The following PCDH9 variants were observed in gnomAD, a reference collection of about 807,000 sequenced individuals.
PCDH9 encodes the protein protocadherin 9.
PCDH9 carries 24 observed loss-of-function variants against 70.6 expected under a neutral mutation model. The observed-to-expected ratio is 0.34, with a 90% CI of 0.25 to 0.48. PCDH9 has a LOEUF of 0.48. Ranked by LOEUF, PCDH9 falls within the 20% of genes least tolerant of loss-of-function variation. The pLI is 0.99. For synonymous variants in PCDH9, 562 were observed against 558.5 expected (o/e 1.01, Z -0.09); for missense variants, 1,281 against 1,503.6 (o/e 0.85, Z 2.45).
intron 3 of PCDH9, among the ~76,000 whole-genome samples, chr13:66,788,196 T>C (rs2080109147): frequency 6.6e-6 from 1 of 152,098 alleles, no homozygotes; most frequent in Non-Finnish European, 1.5e-5. Flanking sequence ...CATCCTCACA[T>C]GGTGGTAGGG....
At chr13:66,456,506 C>T (rs1364165003) in intron 4 of PCDH9, among the ~76,000 whole-genome samples, 1 of 152,072 alleles carries the variant, frequency 6.6e-6, no homozygotes, top group African/African-American at 2.4e-5. Context: ...AGCAATCTTC[C>T]CACCTCAACC....
At chr13:66,898,957 A>T (rs2092271210) in intron 3 of PCDH9, among the ~76,000 whole-genome samples, 1 of 151,992 alleles carries the variant, frequency 6.6e-6, no homozygotes, top group African/African-American at 2.4e-5. Flanking sequence ...GGGAAATTAG[A>T]CTTACCTTGA....
intron 2 of PCDH9, among the ~76,000 whole-genome samples, chr13:66,947,129 C>T (rs1213222382): frequency 6.6e-6 from 1 of 152,148 alleles, no homozygotes; most frequent in East Asian, 1.9e-4. Context: ...GTTGGCATGA[C>T]AGCAGGACAG....
chr13:66,697,328 A>G (rs1426829829), intron 3 of PCDH9, among the ~76,000 whole-genome samples: 1 of 151,986 alleles, frequency 6.6e-6, no homozygotes, highest in Admixed American at 6.6e-5. Flanking sequence ...TTCATTGTCC[A>G]CCTCTCATAT....
intron 3 of PCDH9, among the ~76,000 whole-genome samples, chr13:66,745,145 G>T (rs2079339744): frequency 6.6e-6 from 1 of 152,104 alleles, no homozygotes. Flanking sequence ...TTGATGAAGG[G>T]ATCTTTGGCA....
At chr13:66,566,079 G>A (rs914857138) in intron 4 of PCDH9, among the ~76,000 whole-genome samples, 1 of 152,184 alleles carries the variant, frequency 6.6e-6, no homozygotes, top group Admixed American at 6.5e-5. Flanking sequence ...GCCACAGGGT[G>A]AAGCTAGGCC....
At chr13:66,933,320 A>C (rs995747691) in intron 2 of PCDH9, among the ~76,000 whole-genome samples, 4 of 152,176 alleles carry the variant, frequency 2.6e-5, no homozygotes, top group Admixed American at 1.3e-4. Flanking sequence ...TTAAAGAATC[A>C]GTTTAGAGGA....
intron 4 of PCDH9, among the ~76,000 whole-genome samples, chr13:66,506,022 T>C (rs1027521490): frequency 1.3e-5 from 2 of 152,200 alleles, no homozygotes; most frequent in Admixed American, 6.5e-5. Flanking sequence ...TCTCATATAA[T>C]TCTTACATGT....
chr13:66,439,335 GT>G lies in PCDH9; in HGVS notation c.3341-134308del, dbSNP rs200275298. On this transcript the variant is annotated intron_variant, in intron 4 of 4. Transcript: ENST00000377865. The stretch of plus-strand genomic sequence containing the variant: ...ATAAAATACAGTTAACAAGACAATG[GT>G]TTTTTTTAGCTGATTAAAAAATAAA... 6.6e-4 allele frequency among the ~76,000 whole-genome samples: 100 copies of G among 151,884 alleles called. 1 individual carries two copies. The highest frequency in any genetic ancestry group is 1.8e-3 in the African/African-American group (76 of 41,428).
chr13:66,857,383 A>C (rs2081412003), intron 3 of PCDH9, among the ~76,000 whole-genome samples: 1 of 152,116 alleles, frequency 6.6e-6, no homozygotes, highest in Admixed American at 6.6e-5. Context: ...AGCAGTCAAG[A>C]ATTTTGTTTT....
chr13:66,370,443 C>T (rs990626058), intron 4 of PCDH9, among the ~76,000 whole-genome samples: 5 of 151,590 alleles, frequency 3.3e-5, no homozygotes, highest in African/African-American at 1.2e-4. Flanking sequence ...ATAAATTGGA[C>T]TTCTGTTGCC....
chr13:67,213,240 A>AAAAAAAAATAG, intron 2 of PCDH9: 1 of 59,024 alleles, frequency 1.7e-5, no homozygotes, highest in Non-Finnish European at 3.6e-5. Flanking sequence ...AAAAAAAAAG[A>AAAAAAAAATAG]AAAAAAAAAG....
At chr13:67,193,460 C>T (rs1415208883) in intron 2 of PCDH9, among the ~76,000 whole-genome samples, 1 of 151,878 alleles carries the variant, frequency 6.6e-6, no homozygotes, top group African/African-American at 2.4e-5. Context: ...AATCAGGTTT[C>T]ATTATATTTA....
intron 3 of PCDH9, among the ~76,000 whole-genome samples, chr13:66,781,059 G>A (rs1372929228): frequency 6.6e-6 from 1 of 152,072 alleles, no homozygotes; most frequent in Admixed American, 6.6e-5. Flanking sequence ...ATATGAAGTG[G>A]CCAATAATAA....
intron 4 of PCDH9, among the ~76,000 whole-genome samples, chr13:66,396,476 C>T (rs897277394): frequency 1.3e-5 from 2 of 152,150 alleles, no homozygotes; most frequent in African/African-American, 4.8e-5. Flanking sequence ...CAATGTCATT[C>T]GAACACTAAT....
At chr13:66,343,795 A>G (rs1956168497) in intron 4 of PCDH9, among the ~76,000 whole-genome samples, 1 of 152,180 alleles carries the variant, frequency 6.6e-6, no homozygotes. Context: ...GGACATGAAC[A>G]TCGCTGTGGG....
chr13:66,460,750 G>A (rs996031570), intron 4 of PCDH9, among the ~76,000 whole-genome samples: 10 of 151,712 alleles, frequency 6.6e-5, no homozygotes, highest in African/African-American at 2.2e-4. Flanking sequence ...TGACAGAGAC[G>A]AAGAGCTATA....
chr13:66,392,721 C>T (rs1419063089), intron 4 of PCDH9, among the ~76,000 whole-genome samples: 1 of 152,082 alleles, frequency 6.6e-6, no homozygotes. Flanking sequence ...AAGTAGCCAG[C>T]ACCACTTTAG....
At chr13:66,662,608 A>G (rs2078027139) in intron 3 of PCDH9, among the ~76,000 whole-genome samples, 1 of 152,256 alleles carries the variant, frequency 6.6e-6, no homozygotes, top group Non-Finnish European at 1.5e-5. Context: ...AGTGTCCAAC[A>G]TAAGGACTAG....
Sources: allele counts gnomAD v4.1 joint callset (sites outside exome capture counted in the v4.1 genomes callset), GRCh38; gene constraint gnomAD v4.1.1; transcripts MANE v1.5; gene names NCBI Gene and HGNC (gene_info 2026-07-23, HGNC 2026-07-21).